Variants in CGNL1 observed in about 807,000 individuals in gnomAD.
CGNL1 encodes cingulin like 1.
CGNL1 carries 132 observed loss-of-function variants against 141.2 expected under a neutral mutation model. The observed-to-expected ratio is 0.93, with a 90% confidence interval of 0.81 to 1.08. CGNL1 has a LOEUF of 1.08. CGNL1 is among the 50% of genes least tolerant of loss of function. CGNL1 has a pLI of 0.00. For synonymous variants in CGNL1, 690 were observed against 622.1 expected (o/e 1.11, Z -1.63); for missense variants, 1,870 against 1,588.6 (o/e 1.18, Z -3.01).
chr15:57,395,119 A>T (rs2062588529), intron 1 of CGNL1, among the ~76,000 whole-genome samples: 1 of 152,200 alleles, frequency 6.6e-6, no homozygotes, highest in Non-Finnish European at 1.5e-5. Context: ...TCAAATAAAC[A>T]AACAAACAAA....
intron 15 of CGNL1, 68 bp from the exon 16 acceptor site, chr15:57,544,405 A>G: frequency 6.3e-7 from 1 of 1,585,504 alleles, no homozygotes; most frequent in Non-Finnish European, 8.6e-7. Context: ...TCTGCCCCAT[A>G]TTCTTCGCTG....
At chr15:57,536,131 G>A (rs1359008185) in intron 14 of CGNL1, among the ~76,000 whole-genome samples, 2 of 152,184 alleles carry the variant, frequency 1.3e-5, no homozygotes, top group African/African-American at 4.8e-5. Flanking sequence ...ATGGCGGCAG[G>A]CAAAAGAGTG....
intron 16 of CGNL1, 53 bp downstream of exon 16, chr15:57,544,650 C>G: frequency 6.5e-7 from 1 of 1,546,182 alleles, no homozygotes; most frequent in Non-Finnish European, 8.7e-7. Context: ...CAGTGACAGT[C>G]CCATCGCAAT....
At chr15:57,436,789 T>TA (rs748523725) in intron 1 of CGNL1, among the ~76,000 whole-genome samples, 10 of 152,002 alleles carry the variant, frequency 6.6e-5, no homozygotes, top group Non-Finnish European at 7.4e-5. Context: ...GGAAACAATT[T>TA]AAAAAAATAC....
chr15:57,415,091 T>C (rs2062834206), intron 1 of CGNL1, among the ~76,000 whole-genome samples: 1 of 152,212 alleles, frequency 6.6e-6, no homozygotes, highest in Admixed American at 6.5e-5. Context: ...CTCGGACAAC[T>C]GAGATCAAAT....
intron 8 of CGNL1, among the ~76,000 whole-genome samples, chr15:57,490,196 T>G (rs1297767873): frequency 6.6e-6 from 1 of 152,200 alleles, no homozygotes; most frequent in Non-Finnish European, 1.5e-5. Context: ...AAAAGCTGTG[T>G]AACCTCAGGC....
intron 1 of CGNL1, among the ~76,000 whole-genome samples, chr15:57,414,987 G>T (rs1213846613): frequency 6.6e-6 from 1 of 152,120 alleles, no homozygotes; most frequent in Non-Finnish European, 1.5e-5. Flanking sequence ...TTGGGTAAAG[G>T]CACAATGAAG....
intron 8 of CGNL1, among the ~76,000 whole-genome samples, chr15:57,472,722 C>T (rs1219107530): frequency 6.6e-6 from 1 of 152,092 alleles, no homozygotes; most frequent in Admixed American, 6.5e-5. Context: ...AGTTTTTGCT[C>T]CTTGCTAAGT....
chr15:57,486,674 G>A (rs1282034675), intron 8 of CGNL1, among the ~76,000 whole-genome samples: 1 of 152,240 alleles, frequency 6.6e-6, no homozygotes, highest in Non-Finnish European at 1.5e-5. Context: ...AAGGAACAGA[G>A]GAGGTCCATG....
chr15:57,439,638 C>A, intron 2 of CGNL1, 37 bp downstream of exon 2: 1 of 1,585,186 alleles, frequency 6.3e-7, no homozygotes, highest in Non-Finnish European at 8.6e-7. Flanking sequence ...TTTTTTTTCT[C>A]TTCCTTCTAA....
At position 57,524,634 on chromosome 15, in the gene CGNL1, G is replaced by A; in HGVS notation, c.2922G>A (p.Gln974=). ...CCTCAACCCTGGAGCTCCAGAACCA[G>A]CTGGATGAGTATAAGGAGAAAAACC... ...SRTSTLELQN[Q]LDEYKEKNRR... The change falls in exon 12 of 19, where the codon CAG becomes CAA. Residue 974 remains glutamine, a synonymous_variant. Coordinates refer to ENST00000281282, the MANE Select transcript of CGNL1 (RefSeq NM_032866.5). 1 of 1,614,124 alleles carries A rather than the reference G, an allele frequency of 6.2e-7. No individual in the cohort carries two copies. The highest frequency in any genetic ancestry group is 8.5e-7 in the Non-Finnish European group (1 of 1,179,970).
At chr15:57,530,462 C>T (rs997347969) in intron 13 of CGNL1, among the ~76,000 whole-genome samples, 18 of 152,318 alleles carry the variant, frequency 1.2e-4, no homozygotes, top group African/African-American at 3.8e-4. Context: ...CTTGCCTGCT[C>T]CTTCACTAGC....
At chr15:57,419,221 G>A (rs549880791) in intron 1 of CGNL1, among the ~76,000 whole-genome samples, 64 of 152,126 alleles carry the variant, frequency 4.2e-4, no homozygotes, top group African/African-American at 1.5e-3. Flanking sequence ...GAGCCACCGC[G>A]CCTGGCCTCC....
chr15:57,495,462 A>T (rs969377318), intron 8 of CGNL1, among the ~76,000 whole-genome samples: 5 of 152,160 alleles, frequency 3.3e-5, no homozygotes, highest in Non-Finnish European at 7.3e-5. Context: ...TTTAAAATCA[A>T]ATGTCTCGTA....
intron 1 of CGNL1, among the ~76,000 whole-genome samples, chr15:57,398,816 G>A (rs1200153377): frequency 6.6e-6 from 1 of 152,050 alleles, no homozygotes; most frequent in Non-Finnish European, 1.5e-5. Flanking sequence ...TTGGTGCAGA[G>A]GCCTTGTATT....
intron 8 of CGNL1, among the ~76,000 whole-genome samples, chr15:57,487,734 A>T (rs375025350): frequency 7.9e-5 from 12 of 152,268 alleles, no homozygotes; most frequent in East Asian, 1.9e-4. Flanking sequence ...ACTTCTCTTA[A>T]TGTACAGATC....
intron 1 of CGNL1, among the ~76,000 whole-genome samples, chr15:57,392,019 C>T (rs1040176422): frequency 1.5e-4 from 23 of 148,912 alleles, no homozygotes; most frequent in African/African-American, 5.7e-4. Flanking sequence ...TTAATTTTTT[C>T]AGCACCATAA....
At chr15:57,399,777 A>C (rs1944688312) in intron 1 of CGNL1, among the ~76,000 whole-genome samples, 1 of 152,082 alleles carries the variant, frequency 6.6e-6, no homozygotes, top group African/African-American at 2.4e-5. Flanking sequence ...GGGAGCCTCC[A>C]GCACTGAGGC....
At chr15:57,401,208 A>G (rs2062657246) in intron 1 of CGNL1, among the ~76,000 whole-genome samples, 1 of 152,170 alleles carries the variant, frequency 6.6e-6, no homozygotes. Context: ...TAATTTAGCC[A>G]ATCTTCTATT....
Sources: gnomAD v4.1 joint callset for allele counts (sites outside exome capture counted in the v4.1 genomes callset) on GRCh38, gnomAD v4.1.1 for gene constraint, MANE v1.5 for transcripts, NCBI Gene and HGNC (gene_info 2026-07-23, HGNC 2026-07-21) for gene names.